The following OTUD7B variants were observed in gnomAD, a reference collection of about 807,000 sequenced individuals.
OTUD7B encodes OTU deubiquitinase 7B, also known as OTU domain-containing protein 7B.
OTUD7B carries 34 observed loss-of-function variants against 82.2 expected under a neutral mutation model. The observed-to-expected ratio is 0.41, with a 90% CI of 0.31 to 0.55. The LOEUF is 0.55. OTUD7B is among the 20% of genes least tolerant of loss of function. OTUD7B has a pLI of 0.20. For missense variants in OTUD7B, 944 were observed against 1,062.1 expected, an observed-to-expected ratio of 0.89 and a Z score of 1.55; for synonymous variants, 398 against 402.7, an observed-to-expected ratio of 0.99 and a Z score of 0.14.
intron 2 of OTUD7B, among the ~76,000 whole-genome samples, chr1:149,972,876 A>G (rs907760588): frequency 6.6e-6 from 1 of 152,152 alleles, no homozygotes; most frequent in Non-Finnish European, 1.5e-5. Flanking sequence ...ACATGGCCAA[A>G]TTGAGTATCC....
chr1:150,017,966 A>G, the OTUD7B span, among the ~76,000 whole-genome samples: 1 of 152,122 alleles, frequency 6.6e-6, no homozygotes, highest in Admixed American at 6.5e-5. Context: ...CTCCATTTCC[A>G]TATTACTGTC....
the OTUD7B span, among the ~76,000 whole-genome samples, chr1:150,033,333 T>C: frequency 3.0e-4 from 46 of 152,286 alleles, no homozygotes; most frequent in African/African-American, 1.1e-3. Flanking sequence ...TATACATCTT[T>C]TAAATATGGC....
At chr1:149,974,096 G>A (rs986360492) in intron 2 of OTUD7B, among the ~76,000 whole-genome samples, 4 of 151,598 alleles carry the variant, frequency 2.6e-5, no homozygotes, top group Non-Finnish European at 4.4e-5. Context: ...ACGGAGTCTC[G>A]TTCTGTCACC....
At chr1:149,976,384 G>A (rs1650308894) in intron 2 of OTUD7B, among the ~76,000 whole-genome samples, 1 of 151,914 alleles carries the variant, frequency 6.6e-6, no homozygotes, top group African/African-American at 2.4e-5. Flanking sequence ...GGCCGAGGCA[G>A]GCGGATCACC....
chr1:150,000,451 G>T (rs1553784461), intron 1 of OTUD7B, among the ~76,000 whole-genome samples: 1 of 151,830 alleles, frequency 6.6e-6, no homozygotes, highest in Non-Finnish European at 1.5e-5. Flanking sequence ...CTCCAGCCTG[G>T]GTGACGGAGC....
At chr1:150,032,389 CG>C in the OTUD7B span, among the ~76,000 whole-genome samples, 1 of 136,504 alleles carries the variant, frequency 7.3e-6, no homozygotes, top group African/African-American at 2.8e-5. Context: ...GCACTTTTGG[CG>C]GCTAAATTGG....
intron 2 of OTUD7B, among the ~76,000 whole-genome samples, chr1:149,974,636 GCCT>G (rs1650180699): frequency 7.4e-6 from 1 of 135,012 alleles, no homozygotes; most frequent in African/African-American, 2.8e-5. Context: ...CGCAGTCTCT[GCCT>G]CCCGGGTTTA....
chr1:149,965,856 A>G lies in OTUD7B; in HGVS notation c.525T>C (p.Ser175=), dbSNP rs782153828. 2.0e-5 allele frequency: 33 copies of G among 1,613,782 alleles called. No homozygotes were observed. The highest frequency in any genetic ancestry group is 1.3e-5 in the African/African-American group (1 of 74,906). The stretch of plus-strand genomic sequence containing the variant: ...GCAGCCTCTGAGAGGTGGGATCCAC[A>G]CTCACCCACCAGTTCAAACGCCCTG... ...EQAGRLNWWV[S]VDPTSQRLLP... is the part of the protein sequence containing the mutation. The change falls in exon 5 of 12, where the codon AGT becomes AGC. Residue 175 remains serine, a synonymous_variant. Coordinates refer to ENST00000581312, the MANE Select transcript of OTUD7B (RefSeq NM_020205.4).
At chr1:149,992,495 GT>G (rs1379820205) in intron 1 of OTUD7B, among the ~76,000 whole-genome samples, 86,476 of 87,370 alleles carry the variant, frequency 0.99, 42,801 homozygotes, top group Middle Eastern at 1. Flanking sequence ...TTTTTTTTTA[GT>G]ACAGAGTCTC....
the OTUD7B span, among the ~76,000 whole-genome samples, chr1:150,027,373 G>A: frequency 5.8e-4 from 88 of 152,254 alleles, no homozygotes; most frequent in African/African-American, 1.8e-3. Flanking sequence ...ATCACCTGAC[G>A]TTAGGAGTTT....
In OTUD7B at chr1:149,971,098, C is replaced by T. The variant is rs1030113784; in HGVS notation, c.239G>A (p.Arg80Gln). The part of the protein sequence containing the change: ...FSDREPTRPP[R>Q]PILQRQDDIV... The stretch of plus-strand genomic sequence containing the variant: ...GTCATCCTGCCGCTGGAGGATGGGT[C>T]GGGGAGGGCGAGTAGGCTCTCTGTC... The change falls in exon 3 of 12, where the codon CGA becomes CAA. Residue 80 changes from arginine (R) to glutamine (Q), a missense_variant. Arg to Gln is a conservative substitution (Grantham distance 43). Transcript: ENST00000581312. 3.7e-6 allele frequency: 6 copies of T among 1,611,986 alleles called. No individual in the cohort carries two copies. The highest frequency in any genetic ancestry group is 2.7e-5 in the African/African-American group (2 of 74,852).
At position 149,997,911 on chromosome 1, in the gene OTUD7B, C is replaced by T. The variant is rs1652022708; in HGVS notation, c.-67+12537G>A. On this transcript the variant is annotated intron_variant, in intron 1 of 11. Coordinates refer to ENST00000581312, the MANE Select transcript of OTUD7B (RefSeq NM_020205.4). ...AATCAAAAGAACGGACGATACACAC[C>T]AAGTCCTACTACTTACTAGGCATGC... Among the ~76,000 whole-genome samples, 4 of 152,116 alleles carry T rather than the reference C, an allele frequency of 2.6e-5. No individual in the cohort carries two copies. In the South Asian group the frequency reaches 8.3e-4, roughly 32 times the overall value.
At chr1:149,956,103 G>A (rs1376881965) in intron 7 of OTUD7B, among the ~76,000 whole-genome samples, 4 of 152,098 alleles carry the variant, frequency 2.6e-5, no homozygotes, top group East Asian at 3.9e-4. Context: ...TATTTTGCTC[G>A]TTAGTTGATG....
chr1:149,952,268 C>T (rs1355519087), intron 7 of OTUD7B, among the ~76,000 whole-genome samples: 1 of 143,476 alleles, frequency 7.0e-6, no homozygotes, highest in Non-Finnish European at 1.5e-5. Flanking sequence ...TCTTATTGTT[C>T]AATTCCCACC....
At chr1:150,016,021 A>G in the OTUD7B span, among the ~76,000 whole-genome samples, 1 of 152,344 alleles carries the variant, frequency 6.6e-6, no homozygotes, top group African/African-American at 2.4e-5. Flanking sequence ...TGCTGGTCAG[A>G]GGCCAGACTG....
chr1:150,054,172 G>C, the OTUD7B span: 1 of 384,726 alleles, frequency 2.6e-6, no homozygotes, highest in East Asian at 6.8e-5. Flanking sequence ...ACGGTGGTAC[G>C]CAGGTGGTTA....
chr1:150,025,283 C>T, the OTUD7B span, among the ~76,000 whole-genome samples: 1 of 151,854 alleles, frequency 6.6e-6, no homozygotes, highest in Non-Finnish European at 1.5e-5. Flanking sequence ...GGCATGGTGG[C>T]ACATGCCTGT....
chr1:150,007,314 T>A (rs1482849746), intron 1 of OTUD7B, among the ~76,000 whole-genome samples: 1 of 152,202 alleles, frequency 6.6e-6, no homozygotes, highest in African/African-American at 2.4e-5. Context: ...CGAAGACCCA[T>A]CTAACTCAAT....
intron 7 of OTUD7B, among the ~76,000 whole-genome samples, chr1:149,951,830 A>G (rs1027029143): frequency 1.3e-5 from 2 of 152,174 alleles, no homozygotes; most frequent in Non-Finnish European, 2.9e-5. Context: ...ACTAGAAATG[A>G]TAATATACTA....
Sources: allele counts gnomAD v4.1 joint callset (sites outside exome capture counted in the v4.1 genomes callset), GRCh38; gene constraint gnomAD v4.1.1; transcripts MANE v1.5; gene names NCBI Gene and HGNC (gene_info 2026-07-23, HGNC 2026-07-21).